Variants in TENM3 observed in about 807,000 individuals in gnomAD.
TENM3 encodes the protein teneurin-3.
TENM3 carries 63 observed loss-of-function variants against 255.1 expected under a neutral mutation model. The ratio of observed to expected loss-of-function variants is 0.25; its 90% CI spans 0.20 to 0.30. TENM3 has a LOEUF of 0.30. Among genes scored for constraint, TENM3 ranks in the 10% least tolerant of loss-of-function variants. The pLI is 1.00. For missense variants in TENM3, 2,929 were observed against 3,461.1 expected (o/e 0.85, Z 3.86); for synonymous variants, 1,306 against 1,322.3 (o/e 0.99, Z 0.27).
chr4:182,252,192 AAAC>A (rs1758060954), intron 1 of TENM3, among the ~76,000 whole-genome samples: 1 of 152,214 alleles, frequency 6.6e-6, no homozygotes, highest in African/African-American at 2.4e-5. Flanking sequence ...CAAAAAAAAA[AAAC>A]AACAAAAAAA....
chr4:181,767,073 A>T, the TENM3 span, among the ~76,000 whole-genome samples: 1 of 130,644 alleles, frequency 7.7e-6, no homozygotes, highest in Non-Finnish European at 1.6e-5. Context: ...TAACAAGGGG[A>T]AATCCCGTCT....
At chr4:181,523,922 A>T in the TENM3 span, among the ~76,000 whole-genome samples, 1 of 152,304 alleles carries the variant, frequency 6.6e-6, no homozygotes, top group Non-Finnish European at 1.5e-5. Flanking sequence ...ATTTGACAAA[A>T]AGGGAAAAGG....
the TENM3 span, among the ~76,000 whole-genome samples, chr4:181,888,525 T>TATATATACATATATATATATAC: frequency 1.0e-5 from 1 of 99,850 alleles, no homozygotes; most frequent in African/African-American, 5.0e-5. Flanking sequence ...TGTATATATA[T>TATATATACATATATATATATAC]ACATATATGT....
intron 18 of TENM3, among the ~76,000 whole-genome samples, chr4:182,742,049 T>C (rs1288164746): frequency 6.6e-6 from 1 of 152,164 alleles, no homozygotes; most frequent in African/African-American, 2.4e-5. Context: ...ATTCAATAAA[T>C]AGAATATATG....
chr4:182,588,410 G>A (rs890515820), intron 3 of TENM3, among the ~76,000 whole-genome samples: 5 of 152,070 alleles, frequency 3.3e-5, no homozygotes, highest in Non-Finnish European at 2.9e-5. Context: ...CAATAATGTA[G>A]CTTTATTTGC....
intron 3 of TENM3, among the ~76,000 whole-genome samples, chr4:182,527,271 TGGG>T (rs908783562): frequency 1.3e-5 from 2 of 152,196 alleles, no homozygotes; most frequent in Non-Finnish European, 2.9e-5. Flanking sequence ...TTTCTGAAAT[TGGG>T]ATGTATTTCC....
chr4:182,076,248 C>T, the TENM3 span, among the ~76,000 whole-genome samples: 1 of 134,060 alleles, frequency 7.5e-6, no homozygotes, highest in Non-Finnish European at 1.5e-5. Context: ...CAGAGTCTTG[C>T]TCTGTTGCCA....
chr4:182,167,156 G>A (rs2149675732), intron 1 of TENM3, among the ~76,000 whole-genome samples: 1 of 152,242 alleles, frequency 6.6e-6, no homozygotes, highest in Admixed American at 6.5e-5. Context: ...TGGTGCTCAA[G>A]CTAACTGATT....
chr4:181,879,125 T>C, the TENM3 span, among the ~76,000 whole-genome samples: 208 of 152,316 alleles, frequency 1.4e-3, 1 homozygote, highest in African/African-American at 4.7e-3. Flanking sequence ...AGCAAGACTG[T>C]TACTATTTGA....
At chr4:181,599,996 C>G in the TENM3 span, among the ~76,000 whole-genome samples, 1 of 152,160 alleles carries the variant, frequency 6.6e-6, no homozygotes, top group African/African-American at 2.4e-5. Context: ...CTGTATCGCC[C>G]TCTTTCTTCT....
the TENM3 span, among the ~76,000 whole-genome samples, chr4:181,488,179 G>T: frequency 6.6e-6 from 1 of 152,160 alleles, no homozygotes; most frequent in African/African-American, 2.4e-5. Context: ...TGGAATAAAA[G>T]ATACTCACCT....
the TENM3 span, among the ~76,000 whole-genome samples, chr4:181,478,507 T>C: frequency 3.2e-4 from 48 of 152,232 alleles, no homozygotes; most frequent in Non-Finnish European, 2.9e-4. Flanking sequence ...ACGTCCGTGC[T>C]GTCTGCTCAC....
At chr4:181,448,279 G>A in the TENM3 span, among the ~76,000 whole-genome samples, 2 of 139,082 alleles carry the variant, frequency 1.4e-5, no homozygotes, top group African/African-American at 5.3e-5. Context: ...CCATTCTCCT[G>A]CCTCAGCCTC....
intron 12 of TENM3, among the ~76,000 whole-genome samples, chr4:182,709,200 C>G (rs1264755143): frequency 6.6e-6 from 1 of 152,080 alleles, no homozygotes; most frequent in Non-Finnish European, 1.5e-5. Flanking sequence ...CCAGGATGGT[C>G]TCGAACTCCT....
At chr4:181,648,272 C>A in the TENM3 span, among the ~76,000 whole-genome samples, 1 of 152,140 alleles carries the variant, frequency 6.6e-6, no homozygotes, top group Non-Finnish European at 1.5e-5. Context: ...CATGGAGATA[C>A]GGCTCTAATC....
At chr4:182,653,971 A>T in intron 6 of TENM3, 78 bp downstream of exon 6, 1 of 1,418,760 alleles carries the variant, frequency 7.0e-7, no homozygotes, top group Non-Finnish European at 9.5e-7. Flanking sequence ...CCATGCTTAC[A>T]TCTAGTTTAG....
the TENM3 span, among the ~76,000 whole-genome samples, chr4:181,774,715 G>C: frequency 0.048 from 1,966 of 40,798 alleles, 69 homozygotes; most frequent in Middle Eastern, 0.099. Context: ...CATTCTAACT[G>C]GTGTGAGATG....
intron 5 of TENM3, among the ~76,000 whole-genome samples, chr4:182,634,556 C>T (rs1028997402): frequency 6.6e-6 from 1 of 152,078 alleles, no homozygotes; most frequent in African/African-American, 2.4e-5. Context: ...TTTTGAGTTG[C>T]TGTGCCTTTA....
intron 3 of TENM3, among the ~76,000 whole-genome samples, chr4:182,497,878 A>ATATATATATATATT (rs1446346027): frequency 7.0e-6 from 1 of 143,002 alleles, no homozygotes; most frequent in African/African-American, 2.7e-5. Context: ...ATATATATAT[A>ATATATATATATATT]TATATCTCAA....
Sources: gnomAD v4.1 joint callset for allele counts (sites outside exome capture counted in the v4.1 genomes callset) on GRCh38, gnomAD v4.1.1 for gene constraint, MANE v1.5 for transcripts, NCBI Gene and HGNC (gene_info 2026-07-23, HGNC 2026-07-21) for gene names.